Variants in STAU2 observed in about 807,000 individuals in gnomAD.
The protein encoded by STAU2 is staufen double-stranded RNA binding protein 2.
Under a neutral mutation model 65.9 loss-of-function variants are expected in STAU2, and 20 were observed. That is an observed-to-expected ratio of 0.30 (90% CI 0.21 to 0.44). STAU2 has a LOEUF of 0.44. Ranked by LOEUF, STAU2 falls within the 20% of genes least tolerant of loss-of-function variation. STAU2 has a pLI of 1.00. For synonymous variants in STAU2, 232 were observed against 233.9 expected (o/e 0.99, Z 0.07); for missense variants, 558 against 683.9 (o/e 0.82, Z 2.05).
intron 11 of STAU2, among the ~76,000 whole-genome samples, chr8:73,583,862 A>G (rs1285154605): frequency 2.0e-5 from 3 of 152,154 alleles, no homozygotes; most frequent in Non-Finnish European, 4.4e-5. Flanking sequence ...AATCAAATTA[A>G]TAAGTGACTT....
intron 6 of STAU2, among the ~76,000 whole-genome samples, chr8:73,663,647 T>A (rs1158342084): frequency 6.6e-6 from 1 of 151,954 alleles, no homozygotes; most frequent in Non-Finnish European, 1.5e-5. Flanking sequence ...AAAAAAACTC[T>A]ACTATGATTT....
rs1810290357 is a variant in STAU2, at chr8:73,585,384, G to A, written c.1162-2554C>T. Among the ~76,000 whole-genome samples the A allele has an allele frequency of 2.6e-5, 4 of 152,236 alleles. No homozygotes were observed. In the South Asian group the frequency reaches 8.3e-4, roughly 32 times the overall value. Reference sequence around the variant, plus strand: ...AATCCCAGATACTCAGGAGGCTGAGGCAGGAGAATCGCTTGAACCCGGGAG... The same window carrying A: ...AATCCCAGATACTCAGGAGGCTGAGACAGGAGAATCGCTTGAACCCGGGAG... On this transcript the variant is annotated intron_variant, in intron 11 of 14. Transcript: ENST00000524300.
chr8:73,722,336 G>A (rs1053567351), intron 3 of STAU2, among the ~76,000 whole-genome samples: 4 of 152,262 alleles, frequency 2.6e-5, no homozygotes, highest in East Asian at 1.9e-4. Context: ...ATTTACCCAA[G>A]TAGTTACCAT....
chr8:73,579,540 G>A lies in STAU2; in HGVS notation c.1222+3230C>T, dbSNP rs189739267. On this transcript the variant is annotated intron_variant, in intron 12 of 14. Coordinates refer to ENST00000524300, the MANE Select transcript of STAU2 (RefSeq NM_001164380.2). The stretch of plus-strand genomic sequence containing the variant: ...TATTTTACAAAGTTTTCCAAGAGCC[G>A]TGAGCTGTCAGTAGATCTTTAAAAT... 2.3e-3 allele frequency among the ~76,000 whole-genome samples: 354 copies of A among 152,282 alleles called. 1 individual carries two copies. Among genetic ancestry groups the A allele is most frequent in the Non-Finnish European group, 4.0e-3 (274 of 68,016 alleles).
At chr8:73,494,969 CAGA>C (rs1286999816) in intron 13 of STAU2, among the ~76,000 whole-genome samples, 1 of 151,534 alleles carries the variant, frequency 6.6e-6, no homozygotes, top group African/African-American at 2.4e-5. Flanking sequence ...CTGCAAAGCC[CAGA>C]AGGTCATGTG....
At chr8:73,667,941 C>G (rs10089858) in intron 6 of STAU2, among the ~76,000 whole-genome samples, 11,039 of 152,218 alleles carry the variant, frequency 0.073, 437 homozygotes, top group Middle Eastern at 0.14. Context: ...CTCTAAAAAT[C>G]TTTGCTTTTG....
intron 8 of STAU2, among the ~76,000 whole-genome samples, chr8:73,614,370 C>T (rs549741989): frequency 6.6e-6 from 1 of 152,112 alleles, no homozygotes; most frequent in Admixed American, 6.5e-5. Context: ...GCTGGAGAAA[C>T]GAGTAGTTCT....
intron 13 of STAU2, among the ~76,000 whole-genome samples, chr8:73,470,380 T>C (rs1192025626): frequency 2.0e-5 from 3 of 152,172 alleles, no homozygotes; most frequent in Admixed American, 6.5e-5. Flanking sequence ...TTAGTCAACA[T>C]AGGCTATAAT....
intron 13 of STAU2, among the ~76,000 whole-genome samples, chr8:73,490,676 A>T (rs929698653): frequency 6.6e-6 from 1 of 152,058 alleles, no homozygotes; most frequent in African/African-American, 2.4e-5. Context: ...GCTGTGCCTT[A>T]TCTTTACCAT....
In STAU2 at chr8:73,613,807, T is replaced by C; in HGVS notation, c.828A>G (p.Pro276=). 6.2e-7 allele frequency: 1 copy of C among 1,613,408 alleles called. No individual in the cohort carries two copies. The highest frequency in any genetic ancestry group is 1.3e-5 in the African/African-American group (1 of 74,940). ...TTGGCTTTTCCACCACAGGAAGAGG[T>C]GGAAGTTTTTTAAGCTCCTGTAAGA... ...TTVLQELKKL[P]PLPVVEKPKL... The change falls in exon 9 of 15, where the codon CCA becomes CCG. Residue 276 remains proline, a synonymous_variant. Coordinates refer to ENST00000524300, the MANE Select transcript of STAU2 (RefSeq NM_001164380.2).
chr8:73,674,141 A>G (rs899685550), intron 5 of STAU2, among the ~76,000 whole-genome samples: 2 of 151,546 alleles, frequency 1.3e-5, no homozygotes, highest in Non-Finnish European at 3.0e-5. Context: ...AAAAAAAAAA[A>G]AAACTTACTT....
At position 73,422,784 on chromosome 8, in the gene STAU2, A is replaced by G. The variant is rs1816479945; in HGVS notation, c.1531-82T>C. 5 of 1,029,736 alleles carry G rather than the reference A, an allele frequency of 4.9e-6. No individual in the cohort carries two copies. In the South Asian group the frequency reaches 1.1e-4, roughly 22 times the overall value. 63.8% of individuals were successfully genotyped at this position (1,029,736 alleles called of 1,614,324 possible). A position where few individuals can be genotyped will look rare whatever the true frequency, so the allele number is the denominator to read the frequency against. On this transcript the variant is annotated intron_variant, in intron 13 of 14. Coordinates refer to ENST00000524300, the MANE Select transcript of STAU2 (RefSeq NM_001164380.2). Reference sequence around the variant, plus strand: ...TAACTGAAAGAAAGCTGAGATAGAAAGACTCATTTTCATTAGTCTACATAA... The same window carrying G: ...TAACTGAAAGAAAGCTGAGATAGAAGGACTCATTTTCATTAGTCTACATAA...
intron 13 of STAU2, among the ~76,000 whole-genome samples, chr8:73,446,183 T>A (rs1818455901): frequency 6.6e-6 from 1 of 152,320 alleles, no homozygotes; most frequent in Non-Finnish European, 1.5e-5. Context: ...CAAAAGTCCA[T>A]CTCAAAGAGT....
chr8:73,484,810 A>G (rs1481071424), intron 13 of STAU2, among the ~76,000 whole-genome samples: 1 of 152,116 alleles, frequency 6.6e-6, no homozygotes, highest in Non-Finnish European at 1.5e-5. Context: ...ACAAACTCAG[A>G]TGTGAGCACA....
At chr8:73,688,432 C>T (rs912013542) in intron 5 of STAU2, among the ~76,000 whole-genome samples, 1 of 151,756 alleles carries the variant, frequency 6.6e-6, no homozygotes, top group African/African-American at 2.4e-5. Flanking sequence ...TCCCAAAGTG[C>T]TGGGATTACA....
intron 5 of STAU2, among the ~76,000 whole-genome samples, chr8:73,679,810 C>A (rs1404676941): frequency 6.6e-6 from 1 of 151,222 alleles, no homozygotes. Flanking sequence ...ATTGCTTGAG[C>A]CCAGGAGGCG....
chr8:73,521,283 C>G (rs1823024797), intron 13 of STAU2, among the ~76,000 whole-genome samples: 1 of 152,070 alleles, frequency 6.6e-6, no homozygotes, highest in African/African-American at 2.4e-5. Context: ...CATTAAGAGG[C>G]CTGACTTGAA....
In STAU2 at chr8:73,519,344, TC is replaced by T. The variant is rs554254562; in HGVS notation, c.1530+32667del. ...AATTCTTGCTCAAACCTATGACGTCTCTTTAGATTCTGAGGAATGCAGTCAT... is the reference window on the plus strand; with the variant it reads ...AATTCTTGCTCAAACCTATGACGTCTTTTAGATTCTGAGGAATGCAGTCAT... On this transcript the variant is annotated intron_variant, in intron 13 of 14. Transcript: ENST00000524300. 8.1e-4 allele frequency among the ~76,000 whole-genome samples: 124 copies of T among 152,320 alleles called. 2 individuals carry two copies. The highest frequency in any genetic ancestry group is 2.9e-3 in the African/African-American group (119 of 41,566).
chr8:73,427,356 C>CA (rs1193929428), intron 13 of STAU2, among the ~76,000 whole-genome samples: 4 of 152,174 alleles, frequency 2.6e-5, no homozygotes, highest in African/African-American at 9.7e-5. Flanking sequence ...GTCAGAGAAG[C>CA]AAACCAGTTT....
Sources: allele counts gnomAD v4.1 joint callset (sites outside exome capture counted in the v4.1 genomes callset), GRCh38; gene constraint gnomAD v4.1.1; transcripts MANE v1.5; gene names NCBI Gene and HGNC (gene_info 2026-07-23, HGNC 2026-07-21).